The following ROBO1 variants were observed in gnomAD, a reference collection of about 807,000 sequenced individuals.
The protein encoded by ROBO1 is roundabout guidance receptor 1, also known as roundabout homolog 1.
ROBO1 carries 149 observed loss-of-function variants against 195.9 expected under a neutral mutation model. The ratio of observed to expected loss-of-function variants is 0.76; its 90% CI spans 0.67 to 0.87. The LOEUF (loss-of-function observed/expected upper bound fraction) is 0.87. Among genes scored for constraint, ROBO1 ranks in the 40% least tolerant of loss-of-function variants. The pLI is 0.00. For synonymous variants in ROBO1, 816 were observed against 733.2 expected (o/e 1.11, Z -1.82); for missense variants, 1,933 against 2,068.3 (o/e 0.93, Z 1.27).
intron 1 of ROBO1, among the ~76,000 whole-genome samples, chr3:79,612,289 T>C (rs1180978022): frequency 6.7e-6 from 1 of 149,408 alleles, no homozygotes; most frequent in Non-Finnish European, 1.5e-5. Flanking sequence ...GTTTGGTTTT[T>C]TGTTCTTGCG....
chr3:79,212,110 C>T (rs1172730115), intron 2 of ROBO1, among the ~76,000 whole-genome samples: 1 of 152,212 alleles, frequency 6.6e-6, no homozygotes, highest in Non-Finnish European at 1.5e-5. Context: ...GGTTTAAGAA[C>T]GCCTTTAAGC....
chr3:79,199,145 A>G (rs2081708543), intron 2 of ROBO1, among the ~76,000 whole-genome samples: 1 of 151,752 alleles, frequency 6.6e-6, no homozygotes, highest in African/African-American at 2.4e-5. Context: ...ATATGTGACA[A>G]TCAAAAGAAT....
intron 2 of ROBO1, among the ~76,000 whole-genome samples, chr3:79,540,887 A>G (rs1237091828): frequency 1.3e-5 from 2 of 152,156 alleles, no homozygotes; most frequent in East Asian, 3.8e-4. Context: ...GATTTTAAAA[A>G]TATTTGAGCA....
intron 4 of ROBO1, among the ~76,000 whole-genome samples, chr3:78,834,387 C>G (rs2032511329): frequency 6.7e-6 from 1 of 150,138 alleles, no homozygotes; most frequent in African/African-American, 2.5e-5. Flanking sequence ...TTTGAATGGA[C>G]AGAAGGAAAG....
chr3:79,177,772 C>G (rs1418969427), intron 2 of ROBO1, among the ~76,000 whole-genome samples: 1 of 152,216 alleles, frequency 6.6e-6, no homozygotes, highest in African/African-American at 2.4e-5. Context: ...CTGGCTTCTG[C>G]TGCCTAGGGT....
At chr3:79,149,746 T>C (rs904050203) in intron 2 of ROBO1, among the ~76,000 whole-genome samples, 1 of 151,588 alleles carries the variant, frequency 6.6e-6, no homozygotes, top group Non-Finnish European at 1.5e-5. Context: ...ATCTTTTTAA[T>C]TTTTTTTCCA....
chr3:79,012,834 C>T (rs1559590509), intron 3 of ROBO1, among the ~76,000 whole-genome samples: 1 of 152,236 alleles, frequency 6.6e-6, no homozygotes, highest in South Asian at 2.1e-4. Context: ...AGCTATCTCC[C>T]TGTACACTAC....
At chr3:79,035,569 A>T (rs375229634) in intron 3 of ROBO1, among the ~76,000 whole-genome samples, 1 of 152,060 alleles carries the variant, frequency 6.6e-6, no homozygotes, top group Admixed American at 6.6e-5. Context: ...AACAAAAAAA[A>T]CAATTAGTGG....
At chr3:78,885,425 A>C (rs1270482428) in intron 4 of ROBO1, among the ~76,000 whole-genome samples, 3 of 146,132 alleles carry the variant, frequency 2.1e-5, no homozygotes, top group South Asian at 2.1e-4. Context: ...AAAAAAAAAA[A>C]AAAAAAAAAA....
At position 78,884,789 on chromosome 3, in the gene ROBO1, T is replaced by C. The variant is rs184460763; in HGVS notation, c.499+53812A>G. Among the ~76,000 whole-genome samples the C allele has an allele frequency of 4.0e-5, 6 of 151,710 alleles. No individual in the cohort carries two copies. The East Asian group carries it at 5.8e-4, about 15-fold the overall frequency. On this transcript the variant is annotated intron_variant, in intron 4 of 30. Transcript: ENST00000464233. The stretch of plus-strand genomic sequence containing the variant: ...AAAATTTAATAGTCCAGATAAGATA[T>C]GATAAATTATTCCTGGATTGAGATA...
intron 1 of ROBO1, among the ~76,000 whole-genome samples, chr3:79,712,098 G>T (rs973576133): frequency 6.6e-6 from 1 of 151,950 alleles, no homozygotes; most frequent in Admixed American, 6.6e-5. Context: ...CCAGAACAAC[G>T]AATAACCCTA....
At chr3:79,535,913 A>G (rs554578192) in intron 2 of ROBO1, among the ~76,000 whole-genome samples, 84 of 152,074 alleles carry the variant, frequency 5.5e-4, no homozygotes, top group African/African-American at 1.8e-3. Context: ...TTTGGTCTAT[A>G]TTTGTATGCA....
chr3:79,761,638 T>A (rs962647017), intron 1 of ROBO1, among the ~76,000 whole-genome samples: 1 of 152,234 alleles, frequency 6.6e-6, no homozygotes, highest in Non-Finnish European at 1.5e-5. Context: ...ATGTGATTAC[T>A]GAAATTCTGC....
chr3:78,659,060 C>G (rs1193907285), intron 17 of ROBO1, among the ~76,000 whole-genome samples: 2 of 152,060 alleles, frequency 1.3e-5, no homozygotes, highest in Non-Finnish European at 2.9e-5. Flanking sequence ...ATTTTAAATC[C>G]TTAAAAATCT....
chr3:78,842,142 T>A (rs1042482690), intron 4 of ROBO1, among the ~76,000 whole-genome samples: 1 of 144,562 alleles, frequency 6.9e-6, no homozygotes, highest in Non-Finnish European at 1.5e-5. Context: ...CCAATTTGTT[T>A]TTTTTTTTTT....
chr3:79,089,177 A>G (rs894412398), intron 3 of ROBO1, among the ~76,000 whole-genome samples: 1 of 152,124 alleles, frequency 6.6e-6, no homozygotes, highest in Non-Finnish European at 1.5e-5. Flanking sequence ...ATTTTGAGAA[A>G]TTATTATTTA....
At chr3:78,786,225 T>C (rs2083830192) in intron 4 of ROBO1, among the ~76,000 whole-genome samples, 1 of 152,170 alleles carries the variant, frequency 6.6e-6, no homozygotes, top group Non-Finnish European at 1.5e-5. Flanking sequence ...TTGATTTGCA[T>C]GTGTCTTAAA....
chr3:78,797,368 TA>T (rs1342458247), intron 4 of ROBO1, among the ~76,000 whole-genome samples: 1 of 152,186 alleles, frequency 6.6e-6, no homozygotes, highest in African/African-American at 2.4e-5. Flanking sequence ...AGTCCTCCTT[TA>T]TCTTCATGTT....
chr3:78,784,245 G>A (rs2083764693), intron 4 of ROBO1, among the ~76,000 whole-genome samples: 2 of 151,980 alleles, frequency 1.3e-5, no homozygotes, highest in Admixed American at 6.6e-5. Context: ...CACTTAATCT[G>A]TAGAATAGGA....
Sources: gnomAD v4.1 joint callset for allele counts (sites outside exome capture counted in the v4.1 genomes callset) on GRCh38, gnomAD v4.1.1 for gene constraint, MANE v1.5 for transcripts, NCBI Gene and HGNC (gene_info 2026-07-23, HGNC 2026-07-21) for gene names.